Variants in NDST4 observed in about 807,000 individuals in gnomAD.
The protein encoded by NDST4 is N-deacetylase and N-sulfotransferase 4, also known as N-heparan sulfate sulfotransferase 4.
In NDST4, 63 loss-of-function variants were observed where a neutral mutation model predicts 100.8. The ratio of observed to expected loss-of-function variants is 0.62; its 90% CI spans 0.51 to 0.77. NDST4 has a LOEUF of 0.77. NDST4 is among the 30% of genes least tolerant of loss of function. The pLI is 0.00. For synonymous variants in NDST4, 377 were observed against 361.8 expected, an observed-to-expected ratio of 1.04 and a Z score of -0.48; for missense variants, 943 against 1,018.4, an observed-to-expected ratio of 0.93 and a Z score of 1.01.
At chr4:114,993,216 T>A (rs1727078490) in intron 2 of NDST4, among the ~76,000 whole-genome samples, 1 of 151,790 alleles carries the variant, frequency 6.6e-6, no homozygotes, top group South Asian at 2.1e-4. Context: ...ATCCTAGGAT[T>A]TTTGGGAATA....
At chr4:114,933,507 T>C (rs1725561434) in intron 6 of NDST4, among the ~76,000 whole-genome samples, 1 of 142,342 alleles carries the variant, frequency 7.0e-6, no homozygotes, top group African/African-American at 2.6e-5. Context: ...ACAAATGGGA[T>C]TGCATTAAGT....
At chr4:114,904,148 A>G (rs1233331997) in intron 6 of NDST4, among the ~76,000 whole-genome samples, 1 of 152,022 alleles carries the variant, frequency 6.6e-6, no homozygotes, top group Non-Finnish European at 1.5e-5. Flanking sequence ...ATAAAGTGCT[A>G]TCCTTTTCCA....
chr4:114,887,903 A>G (rs1240434380), intron 6 of NDST4, among the ~76,000 whole-genome samples: 1 of 152,198 alleles, frequency 6.6e-6, no homozygotes, highest in Non-Finnish European at 1.5e-5. Context: ...GATTCTTCTT[A>G]TCAAATTAGT....
chr4:114,890,062 T>C (rs1489920833), intron 6 of NDST4, among the ~76,000 whole-genome samples: 3 of 152,124 alleles, frequency 2.0e-5, no homozygotes, highest in African/African-American at 7.2e-5. Context: ...ATTTTACCCA[T>C]GGATAGGTAT....
chr4:115,100,559 C>G (rs1413695071), intron 1 of NDST4, among the ~76,000 whole-genome samples: 1 of 151,988 alleles, frequency 6.6e-6, no homozygotes, highest in Non-Finnish European at 1.5e-5. Flanking sequence ...ATGTGGGCTA[C>G]TATTACACAT....
At chr4:114,955,007 T>C (rs1726107300) in intron 4 of NDST4, among the ~76,000 whole-genome samples, 1 of 152,200 alleles carries the variant, frequency 6.6e-6, no homozygotes, top group African/African-American at 2.4e-5. Flanking sequence ...GAAGCTGCTA[T>C]GCTTCTTATA....
chr4:115,086,623 AT>A (rs1471910011), intron 1 of NDST4, among the ~76,000 whole-genome samples: 1 of 152,110 alleles, frequency 6.6e-6, no homozygotes, highest in African/African-American at 2.4e-5. Context: ...TATCAGCTAC[AT>A]TCATACTTCA....
At chr4:115,025,650 T>C (rs1485246002) in intron 2 of NDST4, among the ~76,000 whole-genome samples, 1 of 152,122 alleles carries the variant, frequency 6.6e-6, no homozygotes, top group East Asian at 1.9e-4. Context: ...GTGAGGAGCA[T>C]ATCTTACATT....
rs1313012020 is a variant in NDST4 at position 114,906,844 on chromosome 4, G to A, written c.1536+28362C>T. On this transcript the variant is annotated intron_variant, in intron 6 of 13. Coordinates refer to ENST00000264363, the MANE Select transcript of NDST4 (RefSeq NM_022569.3). Reference sequence around the variant, plus strand: ...CCAGCTCTTCTGAAGGGACCATGGTGTATTTATTTTTCACAATTAAGCCTG... The same window carrying A: ...CCAGCTCTTCTGAAGGGACCATGGTATATTTATTTTTCACAATTAAGCCTG... Among the ~76,000 whole-genome samples the A allele has an allele frequency of 2.0e-5, 3 of 151,938 alleles. No individual in the cohort carries two copies. In the East Asian group the frequency reaches 5.8e-4, roughly 29 times the overall value.
At chr4:114,857,954 C>G (rs1723834346) in intron 7 of NDST4, among the ~76,000 whole-genome samples, 1 of 151,972 alleles carries the variant, frequency 6.6e-6, no homozygotes. Context: ...GTAGAAGAGG[C>G]CCTGACAACC....
At chr4:115,049,863 T>C (rs1452111680) in intron 2 of NDST4, among the ~76,000 whole-genome samples, 1 of 152,140 alleles carries the variant, frequency 6.6e-6, no homozygotes, top group African/African-American at 2.4e-5. Context: ...CTTGGTTACA[T>C]CCACACAAAA....
At chr4:114,955,167 T>C (rs1457431178) in intron 4 of NDST4, among the ~76,000 whole-genome samples, 1 of 152,180 alleles carries the variant, frequency 6.6e-6, no homozygotes, top group Non-Finnish European at 1.5e-5. Context: ...ACTTCCAAAT[T>C]CAAGAACTGT....
At chr4:114,952,373 A>T (rs764190099) in intron 4 of NDST4, among the ~76,000 whole-genome samples, 3 of 152,056 alleles carry the variant, frequency 2.0e-5, no homozygotes, top group Non-Finnish European at 4.4e-5. Flanking sequence ...CAGTGAAAAA[A>T]GCTATTTGGT....
At chr4:114,935,398 C>T (rs1302001486) in intron 5 of NDST4, 64 bp from the exon 6 acceptor site, 2 of 1,408,070 alleles carry the variant, frequency 1.4e-6, no homozygotes, top group Non-Finnish European at 9.4e-7. Context: ...ACCTGTGTCT[C>T]ATAACTTTAG....
chr4:115,039,984 T>C (rs941545589), intron 2 of NDST4, among the ~76,000 whole-genome samples: 7 of 152,012 alleles, frequency 4.6e-5, no homozygotes, highest in African/African-American at 1.7e-4. Flanking sequence ...TGTATGTACA[T>C]ATGCATATAT....
At position 115,076,176 on chromosome 4, in the gene NDST4, G is replaced by A; in HGVS notation, c.861C>T (p.Ala287=). 1 of 1,613,944 alleles carries A rather than the reference G, an allele frequency of 6.2e-7. No individual in the cohort carries two copies. The highest frequency in any genetic ancestry group is 8.5e-7 in the Non-Finnish European group (1 of 1,179,930). Residue 287 remains alanine (A), a synonymous_variant, in exon 2 of 14, where the codon GCC becomes GCT. Transcript: ENST00000264363. ...GCCTCTTCCCTGACAAGAAGGAGAT[G>A]GCATCTATGAAGATGAGCTTGTGCA... is the stretch of plus-strand genomic sequence containing the variant. ...FWLHKLIFID[A]ISFLSGKRLT...
chr4:114,995,660 A>G (rs1403242057), intron 2 of NDST4, among the ~76,000 whole-genome samples: 4 of 152,056 alleles, frequency 2.6e-5, no homozygotes, highest in Non-Finnish European at 4.4e-5. Context: ...GATCTTCCCA[A>G]TTATTCATTT....
chr4:115,019,881 G>A lies in NDST4; in HGVS notation c.979-42607C>T, dbSNP rs1033258386. Among the ~76,000 whole-genome samples the A allele has an allele frequency of 2.0e-5, 3 of 152,036 alleles. No homozygotes were observed. The South Asian group carries it at 6.2e-4, about 32-fold the overall frequency. ...CTTTTGCCTTCTGCTACGGGATGATGCAGCACAAAGGCCCTCACCTCCAGA... is the reference window on the plus strand; with the variant it reads ...CTTTTGCCTTCTGCTACGGGATGATACAGCACAAAGGCCCTCACCTCCAGA... On this transcript the variant is annotated intron_variant, in intron 2 of 13. Coordinates refer to ENST00000264363, the MANE Select transcript of NDST4 (RefSeq NM_022569.3).
intron 6 of NDST4, among the ~76,000 whole-genome samples, chr4:114,894,697 C>T (rs1026954034): frequency 5.3e-5 from 8 of 152,084 alleles, no homozygotes; most frequent in Non-Finnish European, 8.8e-5. Context: ...CAGAGACAAC[C>T]TGACTTCCTC....
Sources: gnomAD v4.1 joint callset for allele counts (sites outside exome capture counted in the v4.1 genomes callset) on GRCh38, gnomAD v4.1.1 for gene constraint, MANE v1.5 for transcripts, NCBI Gene and HGNC (gene_info 2026-07-23, HGNC 2026-07-21) for gene names.